Variants in CDKN2B-AS1 observed in about 807,000 individuals in gnomAD.
CDKN2B-AS1 encodes the protein CDKN2B and CDKN2A antisense cis and trans regulatory RNA 1.
intron 4 of CDKN2B-AS1, among the ~76,000 whole-genome samples, chr9:22,084,280 A>G (rs974616712): frequency 5.9e-5 from 9 of 152,216 alleles, no homozygotes; most frequent in Admixed American, 5.9e-4. Flanking sequence ...GGCTGTTCCT[A>G]GGTCAGGCAT....
rs1458645278 is a variant in CDKN2B-AS1, at chr9:22,081,622, C to T, written n.438+25235C>T. Among the ~76,000 whole-genome samples, 4 of 152,306 alleles carry T rather than the reference C, an allele frequency of 2.6e-5. No homozygotes were observed. The East Asian group carries it at 5.8e-4, about 22-fold the overall frequency. The stretch of plus-strand genomic sequence containing the variant: ...AATTAATTCAACACAGCCCCTGGGA[C>T]AGGCCCATGATCAGTGAGCTGAAAC... On this transcript the variant is annotated intron_variant and non_coding_transcript_variant, in intron 4 of 4. Transcript: ENST00000650946.
Position 22,085,029 on chromosome 9 carries a change from G to A in CDKN2B-AS1, n.438+28642G>A, listed in dbSNP as rs72652411. On this transcript the variant is annotated intron_variant and non_coding_transcript_variant, in intron 4 of 4. Transcript: ENST00000650946. ...GTTTTGGTATGAGAACAGGAGAAAT[G>A]TTAGTAGAGTGAACATTTTTCCACA... 4.5e-4 allele frequency among the ~76,000 whole-genome samples: 68 copies of A among 152,204 alleles called. 2 individuals are homozygous for A. In the South Asian group the frequency reaches 0.014, roughly 31 times the overall value.
At chr9:22,012,382 C>T (rs1206503178) in intron 1 of CDKN2B-AS1, 2 of 903,464 alleles carry the variant, frequency 2.2e-6, no homozygotes, top group Admixed American at 1.7e-5. Context: ...TGCGAGGTGG[C>T]ATTATTGAGC....
chr9:22,044,786 A>G (rs753944604), intron 1 of CDKN2B-AS1, among the ~76,000 whole-genome samples: 7 of 151,536 alleles, frequency 4.6e-5, no homozygotes, highest in Admixed American at 1.3e-4. Flanking sequence ...AGTCAGTAAG[A>G]GAGGAAATGT....
rs1295613818 is a variant in CDKN2B-AS1 at position 22,006,838 on chromosome 9, C to CT, written n.29+11679dup. ...GTCATGTGTCTGAGCTCATAACTGG[C>CT]TTGTAGTGTGATAATTTGAGCCAAA... On this transcript the variant is annotated intron_variant and non_coding_transcript_variant, in intron 1 of 4. Transcript: ENST00000650946. The surrounding 1 kb of genome is among the most constrained non-coding windows in gnomAD (Gnocchi z 6.4). Among the ~76,000 whole-genome samples the CT allele has an allele frequency of 4.6e-5, 7 of 151,602 alleles. No homozygotes were observed. Among genetic ancestry groups the CT allele is most frequent in the Admixed American group, 4.6e-4 (7 of 15,236 alleles).
chr9:22,078,332 C>G (rs1563967365), intron 4 of CDKN2B-AS1, among the ~76,000 whole-genome samples: 2 of 151,972 alleles, frequency 1.3e-5, no homozygotes, highest in East Asian at 3.9e-4. Context: ...GTAGCTAAAA[C>G]CCCCATTTTC....
chr9:22,027,394 A>G (rs1451574795), intron 1 of CDKN2B-AS1, among the ~76,000 whole-genome samples: 6 of 152,168 alleles, frequency 3.9e-5, no homozygotes, highest in Non-Finnish European at 5.9e-5. Flanking sequence ...TATTGGAAAA[A>G]ACTCAGAGGA....
chr9:22,075,957 T>A (rs1215079068), intron 4 of CDKN2B-AS1, among the ~76,000 whole-genome samples: 1 of 152,214 alleles, frequency 6.6e-6, no homozygotes, highest in East Asian at 1.9e-4. Flanking sequence ...GCAGTGGTGA[T>A]CTTGCTCTTT....
chr9:22,035,350 T>G (rs959033613), intron 1 of CDKN2B-AS1, among the ~76,000 whole-genome samples: 21 of 150,622 alleles, frequency 1.4e-4, no homozygotes, highest in African/African-American at 5.1e-4. Flanking sequence ...CCATTCTCTC[T>G]CAGTTCTTAT....
intron 1 of CDKN2B-AS1, among the ~76,000 whole-genome samples, chr9:21,998,851 C>T (rs1052118826): frequency 7.3e-5 from 11 of 151,498 alleles, no homozygotes; most frequent in Admixed American, 5.9e-4. Flanking sequence ...ACTCAAAACC[C>T]CAAAGTCATA....
chr9:22,114,468 G>C (rs576270873), intron 4 of CDKN2B-AS1, among the ~76,000 whole-genome samples: 83 of 152,300 alleles, frequency 5.4e-4, no homozygotes, highest in African/African-American at 1.9e-3. Context: ...TGGGCAGACT[G>C]TGTGGCTACT....
intron 4 of CDKN2B-AS1, among the ~76,000 whole-genome samples, chr9:22,073,415 T>A (rs1824374108): frequency 6.6e-6 from 1 of 151,952 alleles, no homozygotes; most frequent in African/African-American, 2.4e-5. Context: ...TTAGCAAAAA[T>A]CCCCTAGCAT....
At position 22,044,137 on chromosome 9, in the gene CDKN2B-AS1, A is replaced by G. The variant is rs188508319; in HGVS notation, n.30-2614A>G. Among the ~76,000 whole-genome samples, 14 of 152,162 alleles carry G rather than the reference A, an allele frequency of 9.2e-5. No homozygotes were observed. In the East Asian group the frequency reaches 2.1e-3, roughly 23 times the overall value. On this transcript the variant is annotated intron_variant and non_coding_transcript_variant, in intron 1 of 4. Coordinates refer to ENST00000650946, the Ensembl canonical transcript of CDKN2B-AS1. ...AAGCTTTTTTTCGCCTAGGTCAGCT[A>G]TAACTAACACGACAAGATGTTTTAG...
intron 4 of CDKN2B-AS1, among the ~76,000 whole-genome samples, chr9:22,104,637 C>CTCTT (rs1193172310): frequency 6.6e-6 from 1 of 152,228 alleles, no homozygotes; most frequent in African/African-American, 2.4e-5. Flanking sequence ...TATTTACCTA[C>CTCTT]TCTTTCATTC....
intron 4 of CDKN2B-AS1, chr9:22,117,781 G>A (rs1825991170): frequency 6.6e-6 from 1 of 152,228 alleles, no homozygotes. Context: ...CCTCTCCCAG[G>A]CCTGGGAAGA....
chr9:22,089,637 A>T (rs1399766850), intron 4 of CDKN2B-AS1, among the ~76,000 whole-genome samples: 1 of 151,600 alleles, frequency 6.6e-6, no homozygotes, highest in African/African-American at 2.4e-5. Context: ...TTTTGTAGGG[A>T]CAAGTTTTCT....
intron 1 of CDKN2B-AS1, chr9:22,008,545 A>G (rs1821307308): frequency 1.4e-5 from 13 of 924,318 alleles, no homozygotes; most frequent in Non-Finnish European, 3.2e-6. Context: ...AATTCAGTCT[A>G]TTCCTTGCAT....
chr9:22,094,781 G>T (rs1169112867), intron 4 of CDKN2B-AS1, among the ~76,000 whole-genome samples: 1 of 143,840 alleles, frequency 7.0e-6, no homozygotes, highest in Non-Finnish European at 1.5e-5. Flanking sequence ...GCTTGGAGTA[G>T]TTTGATCATC....
chr9:22,042,022 A>G (rs1217392046), intron 1 of CDKN2B-AS1, among the ~76,000 whole-genome samples: 3 of 152,052 alleles, frequency 2.0e-5, no homozygotes, highest in Middle Eastern at 3.2e-3. Context: ...AGCCAAGTTT[A>G]CTATGTTTTA....
Sources: allele counts gnomAD v4.1 joint callset (sites outside exome capture counted in the v4.1 genomes callset), GRCh38; gene constraint gnomAD v4.1.1; non-coding constraint Gnocchi (gnomAD v3.1); transcripts MANE v1.5; gene names NCBI Gene and HGNC (gene_info 2026-07-23, HGNC 2026-07-21).